UBE2H: variants seen among roughly 807,000 people sequenced by gnomAD.
UBE2H encodes the protein ubiquitin-conjugating enzyme E2 H.
UBE2H carries 3 observed loss-of-function variants against 29.0 expected under a neutral mutation model. The observed-to-expected ratio is 0.10, with a 90% CI of 0.05 to 0.27. The LOEUF is 0.27. Among genes scored for constraint, UBE2H ranks in the 10% least tolerant of loss-of-function variants. UBE2H has a pLI of 1.00. For missense variants in UBE2H, 68 were observed against 228.2 expected (o/e 0.30, Z 4.52); for synonymous variants, 69 against 82.9 (o/e 0.83, Z 0.91).
chr7:129,944,672 A>G (rs1329478235), intron 1 of UBE2H, among the ~76,000 whole-genome samples: 1 of 151,996 alleles, frequency 6.6e-6, no homozygotes. Flanking sequence ...TGGGCAACAG[A>G]GTGAAATCCT....
intron 3 of UBE2H, among the ~76,000 whole-genome samples, chr7:129,875,968 T>C (rs1289439347): frequency 1.3e-5 from 2 of 152,226 alleles, no homozygotes; most frequent in African/African-American, 4.8e-5. Context: ...TCTGAAGCTT[T>C]TGTGAAGACA....
chr7:129,835,598 T>C (rs1210945741), intron 6 of UBE2H, among the ~76,000 whole-genome samples: 1 of 152,178 alleles, frequency 6.6e-6, no homozygotes, highest in Non-Finnish European at 1.5e-5. Flanking sequence ...ACTAAGCTGC[T>C]ATACGGAGAC....
chr7:129,852,632 T>C (rs553554331), intron 5 of UBE2H, among the ~76,000 whole-genome samples: 413 of 152,338 alleles, frequency 2.7e-3, no homozygotes, highest in Middle Eastern at 0.014. Flanking sequence ...AGTAGAAGTA[T>C]CTAGTCCACT....
intron 5 of UBE2H, among the ~76,000 whole-genome samples, chr7:129,843,165 A>G (rs1432538489): frequency 6.6e-6 from 1 of 151,470 alleles, no homozygotes; most frequent in Admixed American, 6.6e-5. Context: ...CATCCAGCTA[A>G]TTTTTTTGTA....
chr7:129,870,053 G>A (rs1347956642), intron 3 of UBE2H, among the ~76,000 whole-genome samples: 1 of 152,150 alleles, frequency 6.6e-6, no homozygotes, highest in African/African-American at 2.4e-5. Context: ...TTGAGAAGAT[G>A]AAAGCCAATT....
intron 1 of UBE2H, among the ~76,000 whole-genome samples, chr7:129,893,179 A>C (rs1011924258): frequency 6.6e-6 from 1 of 152,190 alleles, no homozygotes; most frequent in Non-Finnish European, 1.5e-5. Context: ...TAGCAGACTA[A>C]ATCAGTCTAG....
chr7:129,942,636 C>G (rs892944297), intron 1 of UBE2H, among the ~76,000 whole-genome samples: 2 of 152,128 alleles, frequency 1.3e-5, no homozygotes, highest in African/African-American at 4.8e-5. Context: ...CAGACTTCAA[C>G]AGAGTGCTCC....
chr7:129,952,434 C>T (rs1440885843), intron 1 of UBE2H, 69 bp downstream of exon 1: 2 of 1,575,470 alleles, frequency 1.3e-6, no homozygotes, highest in African/African-American at 2.7e-5. Flanking sequence ...TGCAGTGGTT[C>T]CGGGGGTGCC....
intron 1 of UBE2H, among the ~76,000 whole-genome samples, chr7:129,937,936 G>A (rs910516400): frequency 1.3e-5 from 2 of 152,006 alleles, no homozygotes; most frequent in African/African-American, 4.8e-5. Flanking sequence ...CAGTTCCCTT[G>A]ATAATTGTGT....
At chr7:129,897,023 G>A (rs1806613780) in intron 1 of UBE2H, among the ~76,000 whole-genome samples, 3 of 152,102 alleles carry the variant, frequency 2.0e-5, no homozygotes, top group Non-Finnish European at 4.4e-5. Flanking sequence ...AAATGTGCAG[G>A]AAGAGATGCC....
At position 129,902,858 on chromosome 7, in the gene UBE2H, C is replaced by T. The variant is rs1020399589; in HGVS notation, c.54-21887G>A. Among the ~76,000 whole-genome samples the T allele has an allele frequency of 7.4e-4, 112 of 152,286 alleles. 1 individual carries two copies. Among genetic ancestry groups the T allele is most frequent in the Non-Finnish European group, 4.4e-4 (30 of 68,022 alleles). ...GGATTAACAGGTGCCAAATATTTAC[C>T]AAGCCTCTATCAAGAGGTGTTAGTG... On this transcript the variant is annotated intron_variant, in intron 1 of 6. Coordinates refer to ENST00000355621, the MANE Select transcript of UBE2H (RefSeq NM_003344.4).
chr7:129,901,351 G>A (rs751661399), intron 1 of UBE2H, among the ~76,000 whole-genome samples: 4 of 152,150 alleles, frequency 2.6e-5, no homozygotes, highest in African/African-American at 4.8e-5. Context: ...CAGGGCTTCT[G>A]GAGAGGAGTG....
chr7:129,881,453 C>T (rs1222028963), intron 1 of UBE2H, among the ~76,000 whole-genome samples: 2 of 152,112 alleles, frequency 1.3e-5, no homozygotes, highest in East Asian at 1.9e-4. Flanking sequence ...TCGAGACCAG[C>T]GTGGCCTATA....
Position 129,908,304 on chromosome 7 carries a change from G to A in UBE2H, c.54-27333C>T, listed in dbSNP as rs534629409. ...GAAACCTTTGTGTCTCCCAATCAAG[G>A]TTTCTAGCTATTATGTGGTTTGGGA... is the stretch of plus-strand genomic sequence containing the variant. On this transcript the variant is annotated intron_variant, in intron 1 of 6. Transcript: ENST00000355621. Among the ~76,000 whole-genome samples, 23 of 152,284 alleles carry A rather than the reference G, an allele frequency of 1.5e-4. No homozygotes were observed. In the South Asian group the frequency reaches 3.9e-3, roughly 26 times the overall value.
intron 1 of UBE2H, among the ~76,000 whole-genome samples, chr7:129,920,510 CTAATAA>C (rs1807135822): frequency 6.6e-6 from 1 of 151,898 alleles, no homozygotes; most frequent in East Asian, 1.9e-4. Flanking sequence ...TAGAATACTT[CTAATAA>C]TATCAATAAA....
At chr7:129,928,936 T>C (rs984284834) in intron 1 of UBE2H, among the ~76,000 whole-genome samples, 4 of 152,240 alleles carry the variant, frequency 2.6e-5, no homozygotes, top group Admixed American at 2.0e-4. Context: ...GTTTTCTTGC[T>C]TGAAATAAAG....
chr7:129,901,053 T>C (rs1806704308), intron 1 of UBE2H, among the ~76,000 whole-genome samples: 1 of 152,174 alleles, frequency 6.6e-6, no homozygotes, highest in Non-Finnish European at 1.5e-5. Context: ...ACCAGGTGTT[T>C]TCTTTTTCTT....
At chr7:129,897,701 C>T (rs1196182436) in intron 1 of UBE2H, among the ~76,000 whole-genome samples, 2 of 152,180 alleles carry the variant, frequency 1.3e-5, no homozygotes, top group Non-Finnish European at 2.9e-5. Context: ...CTTTATTCAA[C>T]TGGGCCCAGT....
intron 3 of UBE2H, among the ~76,000 whole-genome samples, chr7:129,872,657 C>T (rs1293014860): frequency 1.3e-5 from 2 of 151,820 alleles, no homozygotes; most frequent in East Asian, 1.9e-4. Context: ...GCCTGGCCAA[C>T]ATGGTGAAAC....
Sources: allele counts gnomAD v4.1 joint callset (sites outside exome capture counted in the v4.1 genomes callset), GRCh38; gene constraint gnomAD v4.1.1; transcripts MANE v1.5; gene names NCBI Gene and HGNC (gene_info 2026-07-23, HGNC 2026-07-21).